Variants in NKAP observed in about 807,000 individuals in gnomAD.
The protein encoded by NKAP is NF-kappa-B-activating protein.
In NKAP, 4 loss-of-function variants were observed where a neutral mutation model predicts 35.6. The ratio of observed to expected loss-of-function variants is 0.11; its 90% CI spans 0.06 to 0.26. The LOEUF is 0.26. NKAP is among the 10% of genes least tolerant of loss of function. The pLI is 1.00. For missense variants in NKAP, 238 were observed against 321.9 expected, an observed-to-expected ratio of 0.74 and a Z score of 1.99; for synonymous variants, 106 against 119.2, an observed-to-expected ratio of 0.89 and a Z score of 0.72.
At position 119,932,160 on chromosome X, in the gene NKAP, C is replaced by T. The variant is rs182030723; in HGVS notation, c.794G>A (p.Ser265Asn). The T allele has an allele frequency of 1.4e-4, 167 of 1,207,637 alleles. No homozygotes were observed. Among genetic ancestry groups the T allele is most frequent in the Admixed American group, 2.0e-4 (9 of 45,351 alleles). The stretch of plus-strand genomic sequence containing the variant: ...AAACTCTTCTTGGGATTCTTTAGAG[C>T]TTGAATCACTGGACTCTTTTCTGCT... ...KKSRKESSDS[S>N]SKESQEEFLE... Residue 265 changes from serine to asparagine, a missense_variant, in exon 6 of 9, where the codon AGC becomes AAC. Ser to Asn is a conservative substitution (Grantham distance 46). This residue lies in a region of NKAP where 89 missense variants were observed against 91.7 expected (regional missense o/e 0.97). Transcript: ENST00000371410.
intron 4 of NKAP, among the ~76,000 whole-genome samples, chrX:119,934,872 G>GT (rs2056759883): frequency 9.0e-6 from 1 of 111,459 alleles, no homozygotes; most frequent in South Asian, 3.7e-4. Flanking sequence ...GATGATATTT[G>GT]TAATTAACTT....
intron 1 of NKAP, 112 bp downstream of exon 1, chrX:119,943,108 G>T: frequency 1.0e-6 from 1 of 972,510 alleles, no homozygotes; most frequent in Non-Finnish European, 1.4e-6. Flanking sequence ...GAAAATGGGC[G>T]CAAGGCAAGC....
intron 8 of NKAP, among the ~76,000 whole-genome samples, chrX:119,927,073 A>AAAAAAAC: frequency 9.5e-6 from 1 of 105,782 alleles, no homozygotes; most frequent in Non-Finnish European, 1.9e-5. Context: ...AAAAAAAAAA[A>AAAAAAAC]AAAAAAAAAA....
At chrX:119,925,442 T>C (rs778564721) in intron 8 of NKAP, 48 bp from the exon 9 acceptor site, 5 of 1,130,833 alleles carry the variant, frequency 4.4e-6, no homozygotes, top group Non-Finnish European at 5.9e-6. Context: ...ATTATTTTCA[T>C]AGTACATCAT....
At chrX:119,936,810 T>C (rs1448103527) in intron 2 of NKAP, 128 bp from the exon 3 acceptor site, 4 of 503,885 alleles carry the variant, frequency 7.9e-6, no homozygotes, top group East Asian at 3.8e-5. Context: ...AAAGCAAGCA[T>C]TGGAGATCCT....
intron 8 of NKAP, among the ~76,000 whole-genome samples, chrX:119,927,316 C>T (rs770048196): frequency 6.1e-4 from 66 of 108,787 alleles, no homozygotes; most frequent in Non-Finnish European, 1.0e-3. Context: ...AAGTTCCATA[C>T]GTGTATGGTT....
intron 5 of NKAP, chrX:119,932,867 TG>T (rs2056748670): frequency 9.2e-6 from 1 of 109,026 alleles, no homozygotes; most frequent in Admixed American, 9.9e-5. Context: ...GTCCCAGGTA[TG>T]GGGAAAGTGG....
chrX:119,925,947 A>ATTTTTTTTTTTTTTTTTTTTT (rs1238211722), intron 8 of NKAP, among the ~76,000 whole-genome samples: 2 of 52,402 alleles, frequency 3.8e-5, no homozygotes, highest in African/African-American at 8.2e-5. Context: ...TTTTTTTTTA[A>ATTTTTTTTTTTTTTTTTTTTT]TTTTTTTTTT....
At chrX:119,936,577 CT>C (rs2056767626) in intron 3 of NKAP, 34 bp downstream of exon 3, 1 of 1,063,393 alleles carries the variant, frequency 9.4e-7, no homozygotes, top group African/African-American at 1.9e-5. Flanking sequence ...AATAAAATAG[CT>C]TGTATTTTAA....
chrX:119,928,769 C>T (rs1208226836), intron 8 of NKAP, among the ~76,000 whole-genome samples: 2 of 111,355 alleles, frequency 1.8e-5, no homozygotes, highest in East Asian at 5.6e-4. Context: ...CCATGTTGGC[C>T]AGGCTGGTCT....
intron 8 of NKAP, among the ~76,000 whole-genome samples, chrX:119,926,251 T>G: frequency 9.4e-6 from 1 of 106,590 alleles, no homozygotes; most frequent in East Asian, 3.0e-4. Flanking sequence ...CCACCGCGCC[T>G]GGCCTATCCT....
chrX:119,936,750 T>C, intron 2 of NKAP, 68 bp from the exon 3 acceptor site: 3 of 834,610 alleles, frequency 3.6e-6, no homozygotes, highest in South Asian at 2.3e-5. Context: ...AGTGTAAAGA[T>C]ATGAACTCCA....
At position 119,920,831 on chromosome X, in the gene NKAP, T is replaced by C. The variant is rs1178795647; in HGVS notation, c.*4389A>G. 8.2e-6 allele frequency: 2 copies of C among 245,172 alleles called. No homozygotes were observed. Among genetic ancestry groups the C allele is most frequent in the African/African-American group, 5.6e-5 (2 of 36,014 alleles). 20.2% of individuals were successfully genotyped at this position (245,172 alleles called of 1,213,427 possible). On this transcript the variant is annotated 3_prime_UTR_variant, in exon 9 of 9. Transcript: ENST00000371410. ...TAAAGTATTTTTTTCTATCACTATA[T>C]GTATCACTTCTGAGTCTTACAGGTA...
At chrX:119,936,761 A>C in intron 2 of NKAP, 79 bp from the exon 3 acceptor site, 1 of 719,608 alleles carries the variant, frequency 1.4e-6, no homozygotes, top group Non-Finnish European at 2.1e-6. Flanking sequence ...ATGAACTCCA[A>C]ATTTTTCAGT....
At chrX:119,930,839 CAAAAAA>C (rs10707773) in intron 7 of NKAP, among the ~76,000 whole-genome samples, 1 of 97,413 alleles carries the variant, frequency 1.0e-5, no homozygotes, top group East Asian at 3.2e-4. Context: ...CAAAACAAAA[CAAAAAA>C]AAAAAACAAA....
rs956416082 is a variant in NKAP, at chrX:119,934,556, A to G, written c.675T>C (p.Asp225=). 1 of 1,149,660 alleles carries G rather than the reference A, an allele frequency of 8.7e-7. No individual in the cohort carries two copies. Among genetic ancestry groups the G allele is most frequent in the Non-Finnish European group, 1.2e-6 (1 of 868,902 alleles). 94.7% of individuals were successfully genotyped at this position (1,149,660 alleles called of 1,213,427 possible). A position where few individuals can be genotyped will look rare whatever the true frequency, so the allele number is the denominator to read the frequency against. The part of the protein sequence containing the change: ...SDSDSETDSS[D]EDNKRRAKKA... Reference sequence around the variant, plus strand: ...TCTTTGCTCTCCTTTTGTTATCTTCATCTGCAAATTAAAGCACATTACAAT... The same window carrying G: ...TCTTTGCTCTCCTTTTGTTATCTTCGTCTGCAAATTAAAGCACATTACAAT... Residue 225 remains aspartate (D), a splice_region_variant and synonymous_variant, in exon 5 of 9, where the codon GAT becomes GAC. Transcript: ENST00000371410.
At chrX:119,927,061 CAAAA>C (rs757523569) in intron 8 of NKAP, among the ~76,000 whole-genome samples, 1 of 33,291 alleles carries the variant, frequency 3.0e-5, no homozygotes, top group East Asian at 1.2e-3. Flanking sequence ...AACTAGGTCT[CAAAA>C]AAAAAAAAAA....
At chrX:119,925,932 T>TTTC (rs1212830133) in intron 8 of NKAP, among the ~76,000 whole-genome samples, 494 of 48,798 alleles carry the variant, frequency 0.01, 3 homozygotes, top group Non-Finnish European at 0.016. Context: ...CTTTTTTCTT[T>TTTC]TTTTTTTTTT....
intron 8 of NKAP, among the ~76,000 whole-genome samples, chrX:119,928,843 G>C (rs1367201721): frequency 9.0e-6 from 1 of 111,545 alleles, no homozygotes; most frequent in Non-Finnish European, 1.9e-5. Context: ...TTACAGGCGT[G>C]AGCCACCACG....
Sources: gnomAD v4.1 joint callset for allele counts (sites outside exome capture counted in the v4.1 genomes callset) on GRCh38, gnomAD v4.1.1 for gene constraint, gnomAD v4.1.1 regional missense constraint, MANE v1.5 for transcripts, NCBI Gene and HGNC (gene_info 2026-07-23, HGNC 2026-07-21) for gene names.